The following HAPLN1 variants were observed in gnomAD, a reference collection of about 807,000 sequenced individuals.
The protein encoded by HAPLN1 is Cartilage link protein.
In HAPLN1, 13 loss-of-function variants were observed where a neutral mutation model predicts 36.5. The observed-to-expected ratio is 0.36, with a 90% confidence interval of 0.23 to 0.57. HAPLN1 has a LOEUF of 0.57. Ranked by LOEUF, HAPLN1 falls within the 20% of genes least tolerant of loss-of-function variation. The pLI is 0.83. For missense variants in HAPLN1, 407 were observed against 439.7 expected (o/e 0.93, Z 0.66); for synonymous variants, 202 against 169.8 (o/e 1.19, Z -1.48).
At chr5:83,716,199 C>T (rs1402482668) in intron 1 of HAPLN1, among the ~76,000 whole-genome samples, 1 of 152,052 alleles carries the variant, frequency 6.6e-6, no homozygotes, top group Non-Finnish European at 1.5e-5. Flanking sequence ...TCTAGACTTA[C>T]CATAAACATA....
At chr5:83,648,127 T>A (rs1749928141) in intron 3 of HAPLN1, among the ~76,000 whole-genome samples, 1 of 152,066 alleles carries the variant, frequency 6.6e-6, no homozygotes, top group Non-Finnish European at 1.5e-5. Context: ...TTTTGTTACA[T>A]CTGTATAAAG....
At chr5:83,673,658 A>G (rs1204023835) in intron 1 of HAPLN1, 109 bp from the exon 2 acceptor site, 5 of 664,356 alleles carry the variant, frequency 7.5e-6, no homozygotes, top group South Asian at 3.6e-5. Context: ...CTGTAAAAAT[A>G]TTTAACCCAA....
chr5:83,699,770 T>C (rs764718208), intron 1 of HAPLN1, among the ~76,000 whole-genome samples: 1 of 152,224 alleles, frequency 6.6e-6, no homozygotes, highest in Non-Finnish European at 1.5e-5. Context: ...AAATCAATCA[T>C]GTTCCATAGT....
intron 1 of HAPLN1, among the ~76,000 whole-genome samples, chr5:83,701,959 A>ACACAC (rs1561322716): frequency 1.4e-5 from 2 of 145,196 alleles, no homozygotes; most frequent in African/African-American, 5.0e-5. Context: ...CACACACACA[A>ACACAC]AATCTATATG....
In HAPLN1 at chr5:83,641,443, C is replaced by A; in HGVS notation, c.*53G>T. 6.2e-6 allele frequency: 9 copies of A among 1,449,238 alleles called. No homozygotes were observed. Among genetic ancestry groups the A allele is most frequent in the South Asian group, 1.5e-5 (1 of 67,108 alleles). 89.8% of individuals were successfully genotyped at this position (1,449,238 alleles called of 1,614,324 possible). A position where few individuals can be genotyped will look rare whatever the true frequency, so the allele number is the denominator to read the frequency against. On this transcript the variant is annotated 3_prime_UTR_variant, in exon 5 of 5. Coordinates refer to ENST00000274341, the MANE Select transcript of HAPLN1 (RefSeq NM_001884.4). ...ATGAGTTCATATTGGAAAAAAAAAA[C>A]ACCTTTCACATGTTCTTAATGACTT... is the stretch of plus-strand genomic sequence containing the variant.
At chr5:83,656,675 T>C (rs1750227447) in intron 2 of HAPLN1, among the ~76,000 whole-genome samples, 1 of 152,162 alleles carries the variant, frequency 6.6e-6, no homozygotes, top group South Asian at 2.1e-4. Context: ...TTTCCATTAG[T>C]GACAATGACT....
chr5:83,705,080 A>C (rs1054882813), intron 1 of HAPLN1, among the ~76,000 whole-genome samples: 10 of 152,208 alleles, frequency 6.6e-5, no homozygotes, highest in African/African-American at 2.4e-4. Context: ...TGCAATAAAT[A>C]AAGAAGTCAA....
At chr5:83,680,780 A>T (rs917712997) in intron 1 of HAPLN1, among the ~76,000 whole-genome samples, 2 of 152,194 alleles carry the variant, frequency 1.3e-5, no homozygotes, top group Non-Finnish European at 2.9e-5. Flanking sequence ...GCTATTAAAA[A>T]TGCAGCCTTC....
rs550204574 is a variant in HAPLN1, at chr5:83,717,141, T to C, written c.-27+3648A>G. On this transcript the variant is annotated intron_variant, in intron 1 of 4. Transcript: ENST00000274341. Reference sequence around the variant, plus strand: ...TCTCTCACTAGAATGAGTATGCAATTCATTCTAAATCACAAGGATGATCCA... The same window carrying C: ...TCTCTCACTAGAATGAGTATGCAATCCATTCTAAATCACAAGGATGATCCA... Among the ~76,000 whole-genome samples, 48 of 152,330 alleles carry C rather than the reference T, an allele frequency of 3.2e-4. 1 individual carries two copies. In the South Asian group the frequency reaches 1.0e-2, roughly 32 times the overall value.
At chr5:83,682,437 T>C (rs1751026890) in intron 1 of HAPLN1, 1 of 152,236 alleles carries the variant, frequency 6.6e-6, no homozygotes, top group African/African-American at 2.4e-5. Flanking sequence ...ATCGATTTAC[T>C]GTGGTACCTA....
At chr5:83,672,606 C>T (rs182630873) in intron 2 of HAPLN1, among the ~76,000 whole-genome samples, 111 of 152,302 alleles carry the variant, frequency 7.3e-4, no homozygotes, top group Non-Finnish European at 1.4e-3. Context: ...ACTGAGGCTA[C>T]GCTTTTGACC....
Position 83,643,353 on chromosome 5 carries a change from T to TAA in HAPLN1, c.775+1008_775+1009dup, listed in dbSNP as rs79459806. Among the ~76,000 whole-genome samples the TAA allele has an allele frequency of 5.0e-4, 56 of 111,816 alleles. No homozygotes were observed. In the East Asian group the frequency reaches 8.0e-3, roughly 16 times the overall value. 73.4% of individuals were successfully genotyped at this position (111,816 alleles called of 152,430 possible). A position where few individuals can be genotyped will look rare whatever the true frequency, so the allele number is the denominator to read the frequency against. On this transcript the variant is annotated intron_variant, in intron 4 of 4. Transcript: ENST00000274341. ...TGACAGACAGGGTGATACCCTGTCT[T>TAA]AAAAAAAAAAAAAAAAAAAAAAGAT... is the stretch of plus-strand genomic sequence containing the variant.
chr5:83,653,161 A>C (rs1294866991), intron 2 of HAPLN1, among the ~76,000 whole-genome samples: 1 of 152,206 alleles, frequency 6.6e-6, no homozygotes, highest in Non-Finnish European at 1.5e-5. Context: ...TTAAATATCA[A>C]AAATATAGAA....
At chr5:83,662,378 A>G (rs534189200) in intron 2 of HAPLN1, among the ~76,000 whole-genome samples, 65 of 152,344 alleles carry the variant, frequency 4.3e-4, no homozygotes, top group Middle Eastern at 3.4e-3. Context: ...TAATCTTAGT[A>G]TCTTTGTCAA....
intron 2 of HAPLN1, among the ~76,000 whole-genome samples, chr5:83,667,170 C>A (rs1056986924): frequency 6.6e-6 from 1 of 152,120 alleles, no homozygotes; most frequent in Admixed American, 6.5e-5. Flanking sequence ...TGCATGGGTG[C>A]AATATATGAG....
chr5:83,715,362 AG>A (rs1487056999), intron 1 of HAPLN1, among the ~76,000 whole-genome samples: 3 of 152,182 alleles, frequency 2.0e-5, no homozygotes, highest in Non-Finnish European at 4.4e-5. Context: ...GGTAGAGAGC[AG>A]GAGTCTCGGT....
intron 1 of HAPLN1, among the ~76,000 whole-genome samples, chr5:83,710,973 T>G (rs760533246): frequency 1.3e-5 from 2 of 150,706 alleles, no homozygotes; most frequent in Non-Finnish European, 3.0e-5. Context: ...AAAAGAAAAA[T>G]AACCAGAGTG....
intron 2 of HAPLN1, among the ~76,000 whole-genome samples, chr5:83,667,797 A>C (rs1316502864): frequency 6.6e-6 from 1 of 152,246 alleles, no homozygotes; most frequent in Non-Finnish European, 1.5e-5. Context: ...CATAAGGAAC[A>C]GGATAGCATT....
At chr5:83,645,475 C>CTGTTTTTTTTTTTTT (rs1749836848) in intron 3 of HAPLN1, among the ~76,000 whole-genome samples, 1 of 74,370 alleles carries the variant, frequency 1.3e-5, no homozygotes, top group Admixed American at 1.6e-4. Context: ...CTTTTTCTTT[C>CTGTTTTTTTTTTTTT]TTTTTTTTTT....
Sources: allele counts gnomAD v4.1 joint callset (sites outside exome capture counted in the v4.1 genomes callset), GRCh38; gene constraint gnomAD v4.1.1; transcripts MANE v1.5; gene names NCBI Gene and HGNC (gene_info 2026-07-23, HGNC 2026-07-21).